Variants in NOX5 observed in about 807,000 individuals in gnomAD.
The protein encoded by NOX5 is NADPH oxidase 5, also known as NADPH oxidase, EF-hand calcium binding domain 5.
A neutral mutation model predicts 85.7 loss-of-function variants in NOX5; 76 were observed. The ratio of observed to expected loss-of-function variants is 0.89; its 90% CI spans 0.74 to 1.07. The LOEUF (loss-of-function observed/expected upper bound fraction) is 1.07. Among genes scored for constraint, NOX5 ranks in the 50% least tolerant of loss-of-function variants. The probability of loss-of-function intolerance (pLI) is 0.00; values close to 1 mark genes in which losing one functional copy is unlikely to be tolerated. For synonymous variants in NOX5, 405 were observed against 401.4 expected, an observed-to-expected ratio of 1.01 and a Z score of -0.11; for missense variants, 973 against 999.5, an observed-to-expected ratio of 0.97 and a Z score of 0.36.
At chr15:69,027,221 C>T (rs1448386022) in intron 2 of NOX5, among the ~76,000 whole-genome samples, 2 of 152,128 alleles carry the variant, frequency 1.3e-5, no homozygotes. Context: ...GAAGGACCCT[C>T]CCCTGCTGGT....
chr15:69,026,186 G>A (rs2050355573), intron 1 of NOX5, among the ~76,000 whole-genome samples: 2 of 152,230 alleles, frequency 1.3e-5, no homozygotes, highest in Non-Finnish European at 2.9e-5. Flanking sequence ...AGGCAAGATG[G>A]AAAGTCATTG....
intron 1 of NOX5, chr15:69,023,084 T>C: frequency 2.3e-6 from 1 of 431,188 alleles, no homozygotes; most frequent in East Asian, 7.1e-5. Context: ...AGTTCAATAA[T>C]AACCCTGCAG....
intron 15 of NOX5, among the ~76,000 whole-genome samples, 165 bp from the exon 16 acceptor site, chr15:69,056,400 C>T: frequency 6.6e-6 from 1 of 152,188 alleles, no homozygotes; most frequent in East Asian, 1.9e-4. Flanking sequence ...GAGTGTTGAA[C>T]TCTGCTGTAA....
Position 69,056,266 on chromosome 15 carries a change from T to C in NOX5, c.2167-299T>C, listed in dbSNP as rs376231409. Among the ~76,000 whole-genome samples the C allele has an allele frequency of 9.9e-5, 15 of 152,282 alleles. No homozygotes were observed. In the South Asian group the frequency reaches 2.1e-3, roughly 21 times the overall value. On this transcript the variant is annotated intron_variant, in intron 15 of 15. Coordinates refer to ENST00000388866, the MANE Select transcript of NOX5 (RefSeq NM_024505.4). Reference sequence around the variant, plus strand: ...CTCTCTGCGTGTCTGATTTAGTGCCTGTCTCCCACAGTTGCAGATCCTTGA... The same window carrying C: ...CTCTCTGCGTGTCTGATTTAGTGCCCGTCTCCCACAGTTGCAGATCCTTGA...
intron 13 of NOX5, among the ~76,000 whole-genome samples, chr15:69,048,287 C>CT (rs1291216445): frequency 6.6e-6 from 1 of 152,222 alleles, no homozygotes; most frequent in African/African-American, 2.4e-5. Flanking sequence ...AATCCTAGCA[C>CT]TTTGGGAGGC....
chr15:69,031,433 A>G (rs2050427379), intron 3 of NOX5, 85 bp from the exon 4 acceptor site: 1 of 1,428,806 alleles, frequency 7.0e-7, no homozygotes, highest in Non-Finnish European at 9.4e-7. Flanking sequence ...TTGGTCCTTC[A>G]GTTGCATGGT....
chr15:69,048,815 C>G (rs1434798522), intron 13 of NOX5, 144 bp from the exon 14 acceptor site: 6 of 563,612 alleles, frequency 1.1e-5, no homozygotes, highest in African/African-American at 9.4e-5. Context: ...CCTCTATGAG[C>G]CTTGATTTTT....
At chr15:69,019,646 G>A (rs2050274665) in intron 1 of NOX5, among the ~76,000 whole-genome samples, 1 of 152,214 alleles carries the variant, frequency 6.6e-6, no homozygotes, top group Admixed American at 6.5e-5. Flanking sequence ...ACAGCCTGAT[G>A]ATTCCCTTCC....
Position 69,037,114 on chromosome 15 carries a change from G to A in NOX5, c.1275G>A (p.Val425=). The change falls in exon 8 of 16, where the codon GTG becomes GTA. Residue 425 remains valine (V), a synonymous_variant. Coordinates refer to ENST00000388866, the MANE Select transcript of NOX5 (RefSeq NM_024505.4). The stretch of plus-strand genomic sequence containing the variant: ...CCAACTTCTGGAAGTGGCTGCTGGT[G>A]CCTGGAATCTTGTTTTTCCTGGAGA... ...HGPNFWKWLL[V]PGILFFLEKA... is the part of the protein sequence containing the mutation. 1 of 1,614,086 alleles carries A rather than the reference G, an allele frequency of 6.2e-7. No individual in the cohort carries two copies. Among genetic ancestry groups the A allele is most frequent in the Non-Finnish European group, 8.5e-7 (1 of 1,180,022 alleles).
chr15:69,037,108 G>GCCCTCTTGTCCTGTAGCCC lies in NOX5; in HGVS notation c.1270_1271insCCTCTTGTCCTGTAGCCCC (p.Leu424ProfsTer55). The GCCCTCTTGTCCTGTAGCCC allele has an allele frequency of 6.2e-7, 1 of 1,614,116 alleles. No individual in the cohort carries two copies. The highest frequency in any genetic ancestry group is 8.5e-7 in the Non-Finnish European group (1 of 1,180,022). On this transcript the variant is annotated frameshift_variant, in exon 8 of 16. Coordinates refer to ENST00000388866, the MANE Select transcript of NOX5 (RefSeq NM_024505.4). LOFTEE classifies it high-confidence loss of function. ...ATGGGCCCAACTTCTGGAAGTGGCT[G>GCCCTCTTGTCCTGTAGCCC]CTGGTGCCTGGAATCTTGTTTTTCC...
At position 69,038,960 on chromosome 15, in the gene NOX5, T is replaced by A; in HGVS notation, c.1475T>A (p.Phe492Tyr). Reference sequence around the variant, plus strand: ...ATTGCTCGCTATGAGTGGCACCCCTTCACCATCAGCAGTGCTCCTGAGCAG... The same window carrying A: ...ATTGCTCGCTATGAGTGGCACCCCTACACCATCAGCAGTGCTCCTGAGCAG... Reference protein sequence around the residue: ...PTIARYEWHPFTISSAPEQKD... With the variant: ...PTIARYEWHPYTISSAPEQKD... The change falls in exon 9 of 16, where the codon TTC (phenylalanine) becomes TAC (tyrosine). Residue 492 changes from phenylalanine to tyrosine, a missense_variant. Phe to Tyr is a conservative substitution (Grantham distance 22). Transcript: ENST00000388866. The A allele has an allele frequency of 6.2e-7, 1 of 1,614,048 alleles. No individual in the cohort carries two copies. The highest frequency in any genetic ancestry group is 8.5e-7 in the Non-Finnish European group (1 of 1,179,994).
intron 1 of NOX5, among the ~76,000 whole-genome samples, chr15:69,018,393 C>T (rs955113874): frequency 6.6e-6 from 1 of 152,160 alleles, no homozygotes; most frequent in African/African-American, 2.4e-5. Flanking sequence ...GGAGGCTTTA[C>T]CTGAATGATG....
intron 14 of NOX5, among the ~76,000 whole-genome samples, chr15:69,053,582 A>C (rs947628988): frequency 2.6e-5 from 4 of 152,204 alleles, no homozygotes; most frequent in Admixed American, 6.5e-5. Context: ...CTCATTCTCC[A>C]TAATCATAAA....
intron 5 of NOX5, among the ~76,000 whole-genome samples, chr15:69,033,637 A>G (rs1014050997): frequency 4.6e-5 from 7 of 151,174 alleles, no homozygotes; most frequent in African/African-American, 1.7e-4. Flanking sequence ...TGGAGTTGGA[A>G]TGTGGTTCTC....
At chr15:69,025,399 T>A (rs1353103098) in intron 1 of NOX5, among the ~76,000 whole-genome samples, 7 of 152,054 alleles carry the variant, frequency 4.6e-5, no homozygotes, top group Non-Finnish European at 1.0e-4. Flanking sequence ...CACAAAAATG[T>A]GAAAAATGTA....
At chr15:69,043,796 C>T (rs182297828) in intron 10 of NOX5, among the ~76,000 whole-genome samples, 36 of 152,168 alleles carry the variant, frequency 2.4e-4, no homozygotes, top group Admixed American at 1.2e-3. Context: ...TATAAATTGG[C>T]GCAACTTTCT....
At chr15:69,023,315 G>T (rs1398145954) in intron 1 of NOX5, 5 of 258,740 alleles carry the variant, frequency 1.9e-5, no homozygotes, top group Non-Finnish European at 3.0e-5. Context: ...CAGCTTTCAA[G>T]ATCACCTAAT....
intron 14 of NOX5, 28 bp from the exon 15 acceptor site, chr15:69,055,306 A>G: frequency 6.2e-7 from 1 of 1,609,942 alleles, no homozygotes; most frequent in African/African-American, 1.3e-5. Context: ...CTAGACCCTC[A>G]GTGCAGCCCT....
chr15:69,038,708 C>T (rs1044633708), intron 8 of NOX5, 149 bp from the exon 9 acceptor site: 12 of 1,083,928 alleles, frequency 1.1e-5, no homozygotes, highest in African/African-American at 1.1e-4. Flanking sequence ...TGAGGTGGGC[C>T]ACCACTCAGA....
Sources: allele counts gnomAD v4.1 joint callset (sites outside exome capture counted in the v4.1 genomes callset), GRCh38; gene constraint gnomAD v4.1.1; transcripts MANE v1.5; gene names NCBI Gene and HGNC (gene_info 2026-07-23, HGNC 2026-07-21).